Variants in PKNOX2 observed in about 807,000 individuals in gnomAD.
The protein encoded by PKNOX2 is homeobox protein PKNOX2.
PKNOX2 carries 14 observed loss-of-function variants against 53.1 expected under a neutral mutation model. The ratio of observed to expected loss-of-function variants is 0.26; its 90% confidence interval spans 0.17 to 0.41. The LOEUF (loss-of-function observed/expected upper bound fraction) is 0.41. PKNOX2 is among the 10% of genes least tolerant of loss of function. PKNOX2 has a pLI of 1.00. For synonymous variants in PKNOX2, 257 were observed against 242.8 expected, an observed-to-expected ratio of 1.06 and a Z score of -0.54; for missense variants, 496 against 602.8, an observed-to-expected ratio of 0.82 and a Z score of 1.85.
intron 2 of PKNOX2, among the ~76,000 whole-genome samples, chr11:125,327,860 G>A (rs1000003430): frequency 2.0e-5 from 3 of 152,348 alleles, no homozygotes; most frequent in African/African-American, 7.2e-5. Context: ...TAGCCCTGAA[G>A]CGGTGCCCTG....
At chr11:125,194,423 G>A (rs913482804) in intron 1 of PKNOX2, among the ~76,000 whole-genome samples, 2 of 152,148 alleles carry the variant, frequency 1.3e-5, no homozygotes, top group East Asian at 3.9e-4. Context: ...AGGTGCTGGG[G>A]GATTCACAGG....
At chr11:125,197,704 C>T (rs1441148923) in intron 1 of PKNOX2, among the ~76,000 whole-genome samples, 1 of 152,182 alleles carries the variant, frequency 6.6e-6, no homozygotes, top group Non-Finnish European at 1.5e-5. Context: ...CTGGCAGGGC[C>T]ACCGTAGGGG....
intron 7 of PKNOX2, among the ~76,000 whole-genome samples, chr11:125,404,457 T>C (rs528035763): frequency 6.6e-6 from 1 of 152,332 alleles, no homozygotes; most frequent in South Asian, 2.1e-4. Flanking sequence ...TGTTTACATG[T>C]GCTTGGCTTT....
At chr11:125,234,782 A>G (rs1219900032) in intron 1 of PKNOX2, among the ~76,000 whole-genome samples, 1 of 152,172 alleles carries the variant, frequency 6.6e-6, no homozygotes, top group African/African-American at 2.4e-5. Context: ...AGGGGAATAC[A>G]AGCCCTATGA....
intron 2 of PKNOX2, among the ~76,000 whole-genome samples, chr11:125,286,956 A>G (rs1946945242): frequency 6.6e-6 from 1 of 152,100 alleles, no homozygotes. Flanking sequence ...TGATCCTTTC[A>G]CCCAGGAAAA....
At chr11:125,180,803 G>A (rs1776530465) in intron 1 of PKNOX2, among the ~76,000 whole-genome samples, 2 of 152,168 alleles carry the variant, frequency 1.3e-5, no homozygotes, top group Admixed American at 6.5e-5. Context: ...GCCACCTTGC[G>A]GGATGTTGGT....
At position 125,407,776 on chromosome 11, in the gene PKNOX2, C is replaced by T. The variant is rs978328429; in HGVS notation, c.589-2420C>T. Among the ~76,000 whole-genome samples, 48 of 152,212 alleles carry T rather than the reference C, an allele frequency of 3.2e-4. 1 individual carries two copies. Among genetic ancestry groups the T allele is most frequent in the African/African-American group, 1.1e-3 (44 of 41,514 alleles). ...CAAAAAAAAAAGTAAATTTACCTTC[C>T]GAGTTTGCTTCAGCTTCAAATATAA... On this transcript the variant is annotated intron_variant, in intron 7 of 12. Transcript: ENST00000298282.
At chr11:125,301,110 C>T (rs963027591) in intron 2 of PKNOX2, among the ~76,000 whole-genome samples, 2 of 152,158 alleles carry the variant, frequency 1.3e-5, no homozygotes, top group African/African-American at 4.8e-5. Flanking sequence ...GAAGGTGTCA[C>T]TGGCTCTGCT....
At chr11:125,397,440 T>A (rs544392813) in intron 6 of PKNOX2, among the ~76,000 whole-genome samples, 1 of 152,334 alleles carries the variant, frequency 6.6e-6, no homozygotes, top group Non-Finnish European at 1.5e-5. Context: ...CATACAATAC[T>A]CACAACAAAC....
At chr11:125,284,879 C>A (rs1431078313) in intron 2 of PKNOX2, among the ~76,000 whole-genome samples, 2 of 152,048 alleles carry the variant, frequency 1.3e-5, no homozygotes, top group Non-Finnish European at 2.9e-5. Context: ...TGGCTGTTTC[C>A]CTACTGAGGT....
intron 1 of PKNOX2, among the ~76,000 whole-genome samples, chr11:125,203,264 C>T (rs1037321809): frequency 2.6e-5 from 4 of 152,114 alleles, no homozygotes; most frequent in African/African-American, 7.2e-5. Flanking sequence ...ACCACAAGTG[C>T]GCTAATTTAA....
chr11:125,341,763 G>A (rs1240700129), intron 3 of PKNOX2, among the ~76,000 whole-genome samples: 1 of 152,276 alleles, frequency 6.6e-6, no homozygotes, highest in Non-Finnish European at 1.5e-5. Context: ...CACAGCAAAA[G>A]GCACGAGAGC....
intron 2 of PKNOX2, among the ~76,000 whole-genome samples, chr11:125,270,160 G>A (rs1314933357): frequency 1.3e-5 from 2 of 152,190 alleles, no homozygotes; most frequent in African/African-American, 2.4e-5. Context: ...ATAACTCAGT[G>A]TTCCTGGATT....
At chr11:125,312,713 G>A (rs751054248) in intron 2 of PKNOX2, among the ~76,000 whole-genome samples, 1 of 152,270 alleles carries the variant, frequency 6.6e-6, no homozygotes, top group African/African-American at 2.4e-5. Context: ...TGGAGGAGAC[G>A]CACGTGCCCA....
intron 3 of PKNOX2, among the ~76,000 whole-genome samples, chr11:125,343,285 G>T (rs975644057): frequency 2.0e-5 from 3 of 152,306 alleles, no homozygotes; most frequent in South Asian, 4.1e-4. Flanking sequence ...AGGACCCACC[G>T]CAGGTCACTG....
At chr11:125,299,229 G>T (rs1057439103) in intron 2 of PKNOX2, among the ~76,000 whole-genome samples, 1 of 152,150 alleles carries the variant, frequency 6.6e-6, no homozygotes, top group East Asian at 1.9e-4. Flanking sequence ...GCACCAAGCC[G>T]TTCATGAGGA....
At chr11:125,218,200 C>A (rs12788338) in intron 1 of PKNOX2, among the ~76,000 whole-genome samples, 2 of 152,056 alleles carry the variant, frequency 1.3e-5, no homozygotes, top group African/African-American at 4.8e-5. Flanking sequence ...GGGGGCGCTC[C>A]GTTCAGGTTT....
At position 125,385,556 on chromosome 11, in the gene PKNOX2, C is replaced by G; in HGVS notation, c.233C>G (p.Pro78Arg). ...AGCTCTTGATGTCCCTGCAGGCACC[C>G]TCTTTTCCCGCTCCTGACGCTGCTG... ...EADKRAVYRHPLFPLLTLLFE... is the reference protein window; with the variant it reads ...EADKRAVYRHRLFPLLTLLFE... The change falls in exon 6 of 13, where the codon CCT becomes CGT. Residue 78 changes from proline to arginine, a missense_variant. Pro to Arg is a moderately radical substitution (Grantham distance 103). Around this residue, in one of 5 missense-constraint regions of PKNOX2, gnomAD observed 168 missense variants for 178.4 expected, o/e 0.94. Coordinates refer to ENST00000298282, the MANE Select transcript of PKNOX2 (RefSeq NM_001382323.2). 6.2e-7 allele frequency: 1 copy of G among 1,608,152 alleles called. No homozygotes were observed.
rs575996281 is a variant in PKNOX2, at chr11:125,222,468, A to G, written c.-200-12577A>G. Among the ~76,000 whole-genome samples the G allele has an allele frequency of 2.6e-3, 392 of 152,022 alleles. 2 individuals carry two copies. The highest frequency in any genetic ancestry group is 0.014 in the Middle Eastern group (4 of 294). ...TTCTCACAAAAATTCTCACCTGAGT[A>G]CCTAGGGACTGGGTTAAAGAACAGT... On this transcript the variant is annotated intron_variant, in intron 1 of 12. Transcript: ENST00000298282.
Sources: gnomAD v4.1 joint callset for allele counts (sites outside exome capture counted in the v4.1 genomes callset) on GRCh38, gnomAD v4.1.1 for gene constraint, gnomAD v4.1.1 regional missense constraint, MANE v1.5 for transcripts, NCBI Gene and HGNC (gene_info 2026-07-23, HGNC 2026-07-21) for gene names.